The following MZT2B variants were observed in gnomAD, a reference collection of about 807,000 sequenced individuals.
The protein encoded by MZT2B is mitotic-spindle organizing protein 2B.
A neutral mutation model predicts 12.1 loss-of-function variants in MZT2B; 11 were observed. The ratio of observed to expected loss-of-function variants is 0.91; its 90% confidence interval spans 0.57 to 1.50. The LOEUF (loss-of-function observed/expected upper bound fraction) is 1.50, where lower values mean the gene tolerates loss of function less well. Ranked by LOEUF, MZT2B falls within the 40% of genes most tolerant of loss-of-function variation. MZT2B has a pLI of 0.00. For missense variants in MZT2B, 209 were observed against 227.7 expected (o/e 0.92, Z 0.53); for synonymous variants, 85 against 109.5 (o/e 0.78, Z 1.40).
chr2:130,189,919 G>C (rs1690195055), intron 2 of MZT2B, among the ~76,000 whole-genome samples: 1 of 152,206 alleles, frequency 6.6e-6, no homozygotes, highest in Non-Finnish European at 1.5e-5. Context: ...CTTGACCACT[G>C]CAGAACACTC....
chr2:130,201,033 C>T, the MZT2B span, among the ~76,000 whole-genome samples: 1 of 152,192 alleles, frequency 6.6e-6, no homozygotes, highest in South Asian at 2.1e-4. Context: ...CCAAGCAGGC[C>T]CTTAACTTTC....
upstream of MZT2B, chr2:130,182,170 C>G (rs1039879877): frequency 4.7e-6 from 6 of 1,267,770 alleles, no homozygotes. Flanking sequence ...GCTCCCGCCC[C>G]TCCCGCCAGG....
rs146080519 is a variant in MZT2B at position 130,190,590 on chromosome 2, C to T, written c.441C>T (p.Gly147=). Residue 147 remains glycine (G), a synonymous_variant, in exon 3 of 3, where the codon GGC becomes GGT. Coordinates refer to ENST00000281871, the MANE Select transcript of MZT2B (RefSeq NM_025029.5). The part of the protein sequence containing the change: ...QPSATRLPKG[G]GPGKSPTRGS... ...GCGCTACCAGGCTGCCCAAGGGGGG[C>T]GGGCCTGGGAAGAGCCCTACACGGG... 260 of 1,612,846 alleles carry T rather than the reference C, an allele frequency of 1.6e-4. 1 individual carries two copies. The highest frequency in any genetic ancestry group is 4.3e-4 in the African/African-American group (32 of 74,890).
At position 130,190,625 on chromosome 2, in the gene MZT2B, A is replaced by T. The variant is rs778667683; in HGVS notation, c.476A>T (p.Ter159LeuextTer27). ...PGKSPTRGST* is the reference protein window; with the variant it reads ...PGKSPTRGSTL ...AAGAGCCCTACACGGGGCAGCACCT[A>T]GGATGGGGCAGAGACTTGTTGCATC... The change falls in exon 3 of 3, where the codon TAG becomes TTG. Residue 159 changes from the stop codon to leucine, a stop_lost. Transcript: ENST00000281871. 110 of 1,601,488 alleles carry T rather than the reference A, an allele frequency of 6.9e-5. No individual in the cohort carries two copies. In the East Asian group the frequency reaches 2.5e-3, roughly 36 times the overall value.
At chr2:130,198,525 C>T in the MZT2B span, 6 of 844,188 alleles carry the variant, frequency 7.1e-6, 1 homozygote, top group Non-Finnish European at 1.0e-5. Context: ...GGCCGAGGGC[C>T]GGATCCCAGT....
the MZT2B span, chr2:130,202,511 G>A: frequency 8.0e-7 from 1 of 1,242,914 alleles, no homozygotes; most frequent in Non-Finnish European, 1.0e-6. Context: ...ATTTCATACA[G>A]ATGTTTACAG....
chr2:130,182,163 C>A (rs1241588149), upstream of MZT2B: 58 of 1,264,916 alleles, frequency 4.6e-5, no homozygotes, highest in Non-Finnish European at 5.6e-5. Flanking sequence ...TCCCCGCGCT[C>A]CCGCCCCTCC....
chr2:130,182,208 T>C (rs1357227584), upstream of MZT2B: 5 of 1,239,296 alleles, frequency 4.0e-6, no homozygotes, highest in South Asian at 3.0e-5. Context: ...ACGTTGACGC[T>C]GCAGGGAGAG....
chr2:130,193,874 A>G, downstream of MZT2B: 1 of 1,614,222 alleles, frequency 6.2e-7, no homozygotes, highest in Non-Finnish European at 8.5e-7. Context: ...TTTGGGGACC[A>G]CGTCCCCCCT....
intron 2 of MZT2B, chr2:130,183,748 G>C (rs776304982): frequency 6.4e-7 from 1 of 1,550,516 alleles, no homozygotes; most frequent in South Asian, 1.2e-5. Context: ...ACTGACCTTC[G>C]CTCTGTCTGC....
chr2:130,183,064 A>T, intron 2 of MZT2B: 1 of 535,068 alleles, frequency 1.9e-6, no homozygotes, highest in Non-Finnish European at 3.3e-6. Context: ...TCATCCTACA[A>T]CGTCGGGAAT....
intron 2 of MZT2B, among the ~76,000 whole-genome samples, chr2:130,185,563 G>C (rs2104727272): frequency 8.6e-6 from 1 of 116,276 alleles, no homozygotes; most frequent in South Asian, 3.0e-4. Flanking sequence ...GTTACACAGG[G>C]GGGTAACAAG....
the MZT2B span, among the ~76,000 whole-genome samples, chr2:130,198,937 G>A: frequency 0.11 from 13,968 of 124,014 alleles, 4,622 homozygotes; most frequent in African/African-American, 0.37. Flanking sequence ...CGGGCCGGGC[G>A]CGATGGCTAA....
the MZT2B span, chr2:130,202,451 G>A: frequency 1.2e-5 from 15 of 1,278,140 alleles, no homozygotes; most frequent in Middle Eastern, 4.3e-4. Context: ...TAGGCAGTTT[G>A]GTTCTGGGTG....
At chr2:130,199,313 G>A in the MZT2B span, among the ~76,000 whole-genome samples, 74 of 122,078 alleles carry the variant, frequency 6.1e-4, 17 homozygotes, top group African/African-American at 1.8e-3. Flanking sequence ...GGGAGGCCAC[G>A]GCAGGAGGAT....
chr2:130,184,735 C>G (rs993905062), intron 2 of MZT2B: 1 of 985,270 alleles, frequency 1.0e-6, no homozygotes, highest in Non-Finnish European at 1.2e-6. Flanking sequence ...GAACAGAGTC[C>G]TTGTCACTCC....
At chr2:130,193,837 G>A (rs201715610), downstream of MZT2B, 2 of 1,614,098 alleles carry the variant, frequency 1.2e-6, no homozygotes, top group African/African-American at 2.7e-5. Flanking sequence ...GCTTGGTCTT[G>A]ATGGTGGCGA....
At chr2:130,198,149 G>A in the MZT2B span, among the ~76,000 whole-genome samples, 1 of 122,754 alleles carries the variant, frequency 8.1e-6, no homozygotes, top group African/African-American at 2.9e-5. Flanking sequence ...ACTAAAGGCC[G>A]GCAGCTTCAT....
chr2:130,183,641 G>T (rs1468884541), intron 2 of MZT2B: 2 of 1,359,112 alleles, frequency 1.5e-6, no homozygotes, highest in Non-Finnish European at 2.1e-6. Flanking sequence ...CTGAGAAGGC[G>T]TGGAGAGCAG....
Sources: gnomAD v4.1 joint callset for allele counts (sites outside exome capture counted in the v4.1 genomes callset) on GRCh38, gnomAD v4.1.1 for gene constraint, MANE v1.5 for transcripts, NCBI Gene and HGNC (gene_info 2026-07-23, HGNC 2026-07-21) for gene names.